Variants in RCC1L observed in about 807,000 individuals in gnomAD.
RCC1L encodes the protein RCC1-like G exchanging factor-like protein.
Under a neutral mutation model 58.6 loss-of-function variants are expected in RCC1L, and 46 were observed. The observed-to-expected ratio is 0.79, with a 90% CI of 0.62 to 1.00. RCC1L has a LOEUF of 1.00. Among genes scored for constraint, RCC1L ranks in the 50% least tolerant of loss-of-function variants. The probability of loss-of-function intolerance (pLI) is 0.00; values close to 1 mark genes in which losing one functional copy is unlikely to be tolerated. For synonymous variants in RCC1L, 281 were observed against 262.9 expected (o/e 1.07, Z -0.67); for missense variants, 636 against 623.6 (o/e 1.02, Z -0.21).
intron 8 of RCC1L, 133 bp from the exon 9 acceptor site, chr7:75,056,207 T>C: frequency 1.9e-6 from 2 of 1,075,588 alleles, no homozygotes; most frequent in Non-Finnish European, 1.4e-6. Flanking sequence ...TTTTGTTTTT[T>C]TCCTCCTTGC....
chr7:75,056,204 T>C (rs2131992699), intron 8 of RCC1L, 130 bp from the exon 9 acceptor site: 3 of 1,075,140 alleles, frequency 2.8e-6, no homozygotes, highest in Non-Finnish European at 4.2e-6. Flanking sequence ...TTGTTTTGTT[T>C]TTTTCCTCCT....
At chr7:75,064,540 C>G (rs942918610) in intron 4 of RCC1L, 42 bp downstream of exon 4, 1 of 1,610,754 alleles carries the variant, frequency 6.2e-7, no homozygotes, top group East Asian at 2.2e-5. Flanking sequence ...TGTTTTGACA[C>G]TTAACTCAAC....
In RCC1L at chr7:75,052,018, T is replaced by A. The variant is rs929058182; in HGVS notation, c.1317+693A>T. 7.9e-4 allele frequency among the ~76,000 whole-genome samples: 120 copies of A among 152,230 alleles called. 1 individual carries two copies. The highest frequency in any genetic ancestry group is 9.0e-4 in the Non-Finnish European group (61 of 68,006). On this transcript the variant is annotated intron_variant, in intron 10 of 10. Transcript: ENST00000610322. Reference sequence around the variant, plus strand: ...ACCCCAAAAACCTCCTTTTTTAGAATGCCTTAAAGAACTGACTTAGTAAAC... The same window carrying A: ...ACCCCAAAAACCTCCTTTTTTAGAAAGCCTTAAAGAACTGACTTAGTAAAC...
intron 10 of RCC1L, among the ~76,000 whole-genome samples, chr7:75,035,761 G>A (rs1805419471): frequency 6.6e-6 from 1 of 151,412 alleles, no homozygotes; most frequent in South Asian, 2.1e-4. Context: ...CAACACTTTG[G>A]AAGGCTGAGG....
At chr7:75,028,050 T>G in exon 11 of RCC1L, 1 of 1,534,564 alleles carries the variant, frequency 6.5e-7, no homozygotes, top group East Asian at 2.4e-5. Flanking sequence ...GTGGGCCTGT[T>G]GTCTTGGCGC....
intron 10 of RCC1L, among the ~76,000 whole-genome samples, chr7:75,050,274 T>C (rs1483309769): frequency 6.6e-6 from 1 of 151,822 alleles, no homozygotes; most frequent in African/African-American, 2.4e-5. Context: ...AGAGCAAGAC[T>C]CCATCTCAAA....
intron 10 of RCC1L, among the ~76,000 whole-genome samples, chr7:75,045,232 TAGAGACACA>T (rs1563072468): frequency 1.3e-5 from 2 of 151,992 alleles, no homozygotes; most frequent in Non-Finnish European, 2.9e-5. Flanking sequence ...GGCTGGATTA[TAGAGACACA>T]ATCATAGCTC....
chr7:75,056,824 C>A (rs1407658843), intron 8 of RCC1L: 1 of 1,212,406 alleles, frequency 8.2e-7, no homozygotes, highest in African/African-American at 1.5e-5. Context: ...TGGCCATAGT[C>A]CCTTCCTTTT....
chr7:75,056,562 C>G (rs1043235332), intron 8 of RCC1L: 2 of 1,530,078 alleles, frequency 1.3e-6, no homozygotes, highest in Non-Finnish European at 1.7e-6. Context: ...GATATTTCAT[C>G]GTTATCCAAA....
chr7:75,064,506 T>A, intron 4 of RCC1L, 76 bp downstream of exon 4: 1 of 1,567,668 alleles, frequency 6.4e-7, no homozygotes, highest in Non-Finnish European at 8.8e-7. Flanking sequence ...CCCCGCGGGT[T>A]TACCACAGTC....
intron 10 of RCC1L, among the ~76,000 whole-genome samples, chr7:75,048,760 C>T (rs1283935517): frequency 6.6e-6 from 1 of 152,254 alleles, no homozygotes; most frequent in Non-Finnish European, 1.5e-5. Flanking sequence ...GAAGGCCAGA[C>T]AACGCCTGGT....
At chr7:75,058,843 C>T in intron 6 of RCC1L, 74 bp from the exon 7 acceptor site, 1 of 1,577,972 alleles carries the variant, frequency 6.3e-7, no homozygotes. Context: ...TACTATATGC[C>T]AAGTGCAGTT....
intron 10 of RCC1L, among the ~76,000 whole-genome samples, chr7:75,031,792 A>G (rs1452820116): frequency 6.6e-6 from 1 of 152,148 alleles, no homozygotes; most frequent in Admixed American, 6.5e-5. Flanking sequence ...GAATTCAGGA[A>G]GTTTGGCTGA....
At chr7:75,047,192 G>A (rs2131981156) in intron 10 of RCC1L, among the ~76,000 whole-genome samples, 2 of 152,224 alleles carry the variant, frequency 1.3e-5, no homozygotes, top group South Asian at 4.1e-4. Context: ...TCCTGACCTC[G>A]TGATCCGCCC....
intron 10 of RCC1L, among the ~76,000 whole-genome samples, chr7:75,045,619 G>A (rs905641360): frequency 6.6e-6 from 1 of 151,662 alleles, no homozygotes. Flanking sequence ...TGGTTCAAGC[G>A]ATTCTCCTGC....
At chr7:75,043,422 G>C (rs1211882354) in intron 10 of RCC1L, among the ~76,000 whole-genome samples, 1 of 152,360 alleles carries the variant, frequency 6.6e-6, no homozygotes, top group African/African-American at 2.4e-5. Context: ...GAGAGGGCAT[G>C]TCGGGCAGGA....
intron 10 of RCC1L, among the ~76,000 whole-genome samples, chr7:75,032,750 C>G (rs1805339287): frequency 6.6e-6 from 1 of 152,120 alleles, no homozygotes; most frequent in African/African-American, 2.4e-5. Flanking sequence ...GGTCTGAAGA[C>G]AAGTCCTGTC....
chr7:75,039,539 G>C (rs1048561627), downstream of RCC1L, among the ~76,000 whole-genome samples: 103 of 152,304 alleles, frequency 6.8e-4, 1 homozygote, highest in Admixed American at 2.2e-3. Flanking sequence ...GAAGAAATTA[G>C]TGTGGAGTGG....
At chr7:75,065,213 T>G (rs1041633365) in intron 3 of RCC1L, among the ~76,000 whole-genome samples, 1 of 149,676 alleles carries the variant, frequency 6.7e-6, no homozygotes, top group Admixed American at 6.7e-5. Context: ...AAGAAAGAGC[T>G]CCTAAATGCC....
Sources: gnomAD v4.1 joint callset for allele counts (sites outside exome capture counted in the v4.1 genomes callset) on GRCh38, gnomAD v4.1.1 for gene constraint, MANE v1.5 for transcripts, NCBI Gene and HGNC (gene_info 2026-07-23, HGNC 2026-07-21) for gene names.